MYO16: variants seen among roughly 807,000 people sequenced by gnomAD.
MYO16 encodes myosin XVI.
In MYO16, 94 loss-of-function variants were observed where a neutral mutation model predicts 205.3. The observed-to-expected ratio is 0.46, with a 90% CI of 0.39 to 0.54. MYO16 has a LOEUF of 0.54. MYO16 is among the 20% of genes least tolerant of loss of function. The pLI is 0.00. For missense variants in MYO16, 2,315 were observed against 2,387.5 expected (o/e 0.97, Z 0.63); for synonymous variants, 988 against 954.0 (o/e 1.04, Z -0.66).
chr13:108,975,191 T>G (rs982437052), intron 20 of MYO16, among the ~76,000 whole-genome samples: 3 of 108,224 alleles, frequency 2.8e-5, no homozygotes, highest in African/African-American at 1.2e-4. Flanking sequence ...ACTGTTTTTG[T>G]TTTTTTTTTT....
chr13:109,079,749 T>C (rs1888224419), intron 27 of MYO16, among the ~76,000 whole-genome samples: 1 of 152,132 alleles, frequency 6.6e-6, no homozygotes. Context: ...GTATCTAAAA[T>C]GAAAGTTAAA....
intron 21 of MYO16, among the ~76,000 whole-genome samples, chr13:108,998,137 G>A (rs1393156948): frequency 3.3e-5 from 5 of 152,174 alleles, no homozygotes; most frequent in African/African-American, 1.2e-4. Context: ...TGCTAGAGAT[G>A]ATAGAAAGAA....
At chr13:108,635,343 A>C (rs1428880442) in intron 1 of MYO16, among the ~76,000 whole-genome samples, 2 of 152,146 alleles carry the variant, frequency 1.3e-5, no homozygotes, top group East Asian at 3.9e-4. Flanking sequence ...ATAAATAGTT[A>C]AGGGTGTTCC....
At position 108,688,863 on chromosome 13, in the gene MYO16, G is replaced by T. The variant is rs1594211024; in HGVS notation, c.292+22714G>T. ...ACACAGTGTTTTTATGTACCCTAATGGCATGATGCAAGTCAAGTTAATGTC... is the reference window on the plus strand; with the variant it reads ...ACACAGTGTTTTTATGTACCCTAATTGCATGATGCAAGTCAAGTTAATGTC... On this transcript the variant is annotated intron_variant, in intron 2 of 34. Transcript: ENST00000457511. Among the ~76,000 whole-genome samples the T allele has an allele frequency of 2.6e-5, 4 of 152,244 alleles. No homozygotes were observed. In the South Asian group the frequency reaches 8.3e-4, roughly 32 times the overall value.
At chr13:108,664,001 A>G (rs777687575) in intron 1 of MYO16, among the ~76,000 whole-genome samples, 12 of 152,234 alleles carry the variant, frequency 7.9e-5, no homozygotes, top group Non-Finnish European at 1.6e-4. Flanking sequence ...GAGCTTTCTC[A>G]TACAATCTGT....
At chr13:108,863,024 T>C (rs895908999) in intron 11 of MYO16, among the ~76,000 whole-genome samples, 1 of 152,154 alleles carries the variant, frequency 6.6e-6, no homozygotes, top group Non-Finnish European at 1.5e-5. Context: ...ACGGGTAATA[T>C]ATAGAGAATA....
chr13:108,981,654 G>A (rs925576565), intron 20 of MYO16, among the ~76,000 whole-genome samples: 9 of 152,366 alleles, frequency 5.9e-5, no homozygotes, highest in Admixed American at 3.9e-4. Context: ...TTGCGGGGCC[G>A]CTGGGTTAGG....
At chr13:108,684,438 A>G (rs1297926120) in intron 2 of MYO16, among the ~76,000 whole-genome samples, 1 of 152,176 alleles carries the variant, frequency 6.6e-6, no homozygotes. Flanking sequence ...ATAGAACAAG[A>G]TATATATCTC....
intron 8 of MYO16, among the ~76,000 whole-genome samples, chr13:108,821,140 C>G (rs1038563731): frequency 2.0e-5 from 3 of 152,014 alleles, no homozygotes; most frequent in Non-Finnish European, 4.4e-5. Flanking sequence ...AGTAATTGAT[C>G]TGAATAACTT....
chr13:108,998,203 T>A (rs1262642491), intron 21 of MYO16, among the ~76,000 whole-genome samples: 1 of 152,232 alleles, frequency 6.6e-6, no homozygotes, highest in Admixed American at 6.5e-5. Context: ...ACTCTTCACA[T>A]GCGTTATCAC....
chr13:108,629,567 G>A (rs1879879250), upstream of MYO16: 1 of 372,890 alleles, frequency 2.7e-6, no homozygotes, highest in Non-Finnish European at 4.9e-6. Context: ...CGGGATTGTG[G>A]TACTCGGGGC....
intron 1 of MYO16, among the ~76,000 whole-genome samples, chr13:108,665,026 G>C (rs902626586): frequency 1.3e-5 from 2 of 152,070 alleles, no homozygotes; most frequent in African/African-American, 2.4e-5. Context: ...TGTCACTGAT[G>C]ATGAGAAAAA....
At chr13:109,060,178 C>T (rs1171583169) in intron 27 of MYO16, among the ~76,000 whole-genome samples, 1 of 152,114 alleles carries the variant, frequency 6.6e-6, no homozygotes, top group Non-Finnish European at 1.5e-5. Flanking sequence ...TATAAAGACA[C>T]ATTCACATGT....
chr13:108,974,827 G>C (rs372318394), intron 20 of MYO16, among the ~76,000 whole-genome samples: 16 of 152,246 alleles, frequency 1.1e-4, no homozygotes, highest in Admixed American at 3.9e-4. Context: ...TTGGTCATTA[G>C]GGACAGTAAA....
At chr13:109,005,675 C>T (rs964529803) in intron 21 of MYO16, among the ~76,000 whole-genome samples, 5 of 152,052 alleles carry the variant, frequency 3.3e-5, no homozygotes, top group African/African-American at 1.2e-4. Context: ...CTAATCACCC[C>T]GTTTCTGAAG....
intron 27 of MYO16, among the ~76,000 whole-genome samples, chr13:109,087,942 C>A (rs75338249): frequency 6.6e-6 from 1 of 152,274 alleles, no homozygotes; most frequent in South Asian, 2.1e-4. Flanking sequence ...TTTAACGAAA[C>A]AAGCTGTTCT....
intron 16 of MYO16, among the ~76,000 whole-genome samples, chr13:108,916,289 C>G (rs542822669): frequency 1.4e-4 from 22 of 152,300 alleles, no homozygotes; most frequent in Middle Eastern, 3.4e-3. Context: ...AATCCTCACC[C>G]GCAGCTAAGC....
chr13:108,664,360 A>C (rs1444673408), intron 1 of MYO16, among the ~76,000 whole-genome samples: 5 of 152,214 alleles, frequency 3.3e-5, no homozygotes, highest in East Asian at 1.9e-4. Context: ...AGCATTTTTT[A>C]TTCTGTTTGT....
chr13:108,985,405 T>C (rs1884592421), intron 20 of MYO16, among the ~76,000 whole-genome samples: 1 of 152,176 alleles, frequency 6.6e-6, no homozygotes, highest in Non-Finnish European at 1.5e-5. Flanking sequence ...AGGAAGTATT[T>C]ATCGTTTTTG....
Sources: gnomAD v4.1 joint callset for allele counts (sites outside exome capture counted in the v4.1 genomes callset) on GRCh38, gnomAD v4.1.1 for gene constraint, MANE v1.5 for transcripts, NCBI Gene and HGNC (gene_info 2026-07-23, HGNC 2026-07-21) for gene names.